The following CA10 variants were observed in gnomAD, a reference collection of about 807,000 sequenced individuals.
CA10 encodes carbonic anhydrase-related protein 10.
A neutral mutation model predicts 44.2 loss-of-function variants in CA10; 14 were observed. The ratio of observed to expected loss-of-function variants is 0.32; its 90% CI spans 0.21 to 0.50. The LOEUF (loss-of-function observed/expected upper bound fraction) is 0.50. Ranked by LOEUF, CA10 falls within the 20% of genes least tolerant of loss-of-function variation. The pLI, the probability that CA10 is intolerant of heterozygous loss-of-function variation, is 0.99. For missense variants in CA10, 350 were observed against 409.7 expected, an observed-to-expected ratio of 0.85 and a Z score of 1.26; for synonymous variants, 159 against 141.6, an observed-to-expected ratio of 1.12 and a Z score of -0.87.
chr17:51,717,983 G>T (rs1916225965), intron 4 of CA10, among the ~76,000 whole-genome samples: 1 of 148,476 alleles, frequency 6.7e-6, no homozygotes. Flanking sequence ...GAAAATCATT[G>T]TATGTTCTCA....
intron 1 of CA10, among the ~76,000 whole-genome samples, chr17:52,073,047 T>A (rs777613639): frequency 2.6e-5 from 4 of 152,112 alleles, no homozygotes; most frequent in East Asian, 3.9e-4. Flanking sequence ...ATTGGGGCAA[T>A]GCCATTACAC....
At chr17:51,823,423 T>A (rs924980196) in intron 3 of CA10, among the ~76,000 whole-genome samples, 2 of 152,208 alleles carry the variant, frequency 1.3e-5, no homozygotes, top group Admixed American at 1.3e-4. Context: ...TGGAAAGGAA[T>A]CATGTTCACT....
intron 1 of CA10, among the ~76,000 whole-genome samples, chr17:52,085,523 A>G (rs954455514): frequency 4.6e-5 from 7 of 152,152 alleles, no homozygotes; most frequent in African/African-American, 1.7e-4. Flanking sequence ...ATGACTCCCT[A>G]TTGGTTACAC....
chr17:51,831,950 A>T (rs1908296859), intron 3 of CA10, among the ~76,000 whole-genome samples: 1 of 152,078 alleles, frequency 6.6e-6, no homozygotes, highest in Non-Finnish European at 1.5e-5. Flanking sequence ...CCAAAATCCC[A>T]CTCCAAGCTT....
chr17:51,784,493 C>T (rs1208354627), intron 3 of CA10, among the ~76,000 whole-genome samples: 4 of 152,198 alleles, frequency 2.6e-5, no homozygotes, highest in East Asian at 1.9e-4. Context: ...ATCCACTAAC[C>T]GACCTCTGTT....
chr17:51,708,508 C>G (rs1417556232), intron 4 of CA10, among the ~76,000 whole-genome samples: 1 of 152,176 alleles, frequency 6.6e-6, no homozygotes, highest in Non-Finnish European at 1.5e-5. Context: ...AGTGGCAGCT[C>G]TTATCCAGTG....
At chr17:51,888,038 CAAAAACAAAA>C (rs2143902818) in intron 3 of CA10, among the ~76,000 whole-genome samples, 1 of 151,538 alleles carries the variant, frequency 6.6e-6, no homozygotes, top group South Asian at 2.1e-4. Flanking sequence ...AAAACAAAAA[CAAAAACAAAA>C]CAAAACAAAA....
In CA10 at chr17:51,849,163, G is replaced by GTATATATATATACATATATGTA. The variant is rs1271678255; in HGVS notation, c.279+81805_279+81826dup. Among the ~76,000 whole-genome samples the GTATATATATATACATATATGTA allele has an allele frequency of 1.4e-3, 129 of 90,202 alleles. 2 individuals carry two copies. The highest frequency in any genetic ancestry group is 2.2e-3 in the Non-Finnish European group (96 of 44,286). The allele number at this position is 90,202 out of a possible 152,430, so 59.2% of individuals were successfully genotyped here. A position where few individuals can be genotyped will look rare whatever the true frequency, so the allele number is the denominator to read the frequency against. ...TAGTTTTTTATATATATACATATAT[G>GTATATATATATACATATATGTA]TATATATATATACATATATGTATAT... On this transcript the variant is annotated intron_variant, in intron 3 of 8. Transcript: ENST00000451037.
At chr17:51,718,115 G>C (rs914539469) in intron 4 of CA10, among the ~76,000 whole-genome samples, 7 of 151,186 alleles carry the variant, frequency 4.6e-5, no homozygotes, top group Non-Finnish European at 8.8e-5. Context: ...ATATGGTGCA[G>C]TGTATACTGC....
At chr17:51,839,625 C>T (rs868399563) in intron 3 of CA10, among the ~76,000 whole-genome samples, 21 of 151,772 alleles carry the variant, frequency 1.4e-4, no homozygotes, top group African/African-American at 3.6e-4. Context: ...CATTCTGCTC[C>T]AGGTATGAAC....
intron 1 of CA10, among the ~76,000 whole-genome samples, chr17:52,091,882 T>C (rs1988276155): frequency 6.6e-6 from 1 of 152,208 alleles, no homozygotes; most frequent in Non-Finnish European, 1.5e-5. Context: ...TGGAAAGACC[T>C]GCTTTCTGCA....
At chr17:51,738,480 C>T (rs1219209464) in intron 4 of CA10, among the ~76,000 whole-genome samples, 1 of 152,124 alleles carries the variant, frequency 6.6e-6, no homozygotes, top group Non-Finnish European at 1.5e-5. Flanking sequence ...AGTATGATTG[C>T]CTTTTCATAT....
intron 3 of CA10, among the ~76,000 whole-genome samples, chr17:51,894,105 T>C (rs750345645): frequency 6.6e-6 from 1 of 152,104 alleles, no homozygotes; most frequent in East Asian, 1.9e-4. Context: ...TTCTGAAAGC[T>C]GTAAGGCAGA....
At chr17:52,108,175 ATTTTTATATATATAT>A (rs2143273271) in intron 1 of CA10, among the ~76,000 whole-genome samples, 1 of 139,878 alleles carries the variant, frequency 7.1e-6, no homozygotes, top group South Asian at 2.2e-4. Context: ...TTTTTAATAT[ATTTTTATATATATAT>A]TTTTTATATA....
intron 3 of CA10, among the ~76,000 whole-genome samples, chr17:51,853,451 A>G (rs930057954): frequency 1.3e-5 from 2 of 152,208 alleles, no homozygotes; most frequent in African/African-American, 4.8e-5. Flanking sequence ...TGTCCCAGTG[A>G]TTCCTTTAAG....
At chr17:51,890,560 C>T (rs200622809) in intron 3 of CA10, among the ~76,000 whole-genome samples, 28 of 152,124 alleles carry the variant, frequency 1.8e-4, no homozygotes, top group South Asian at 6.2e-4. Flanking sequence ...TTATGGTGTA[C>T]CTGTAGCTTT....
chr17:51,833,645 G>A (rs1311505424), intron 3 of CA10, among the ~76,000 whole-genome samples: 1 of 152,176 alleles, frequency 6.6e-6, no homozygotes. Flanking sequence ...GTCTGTCAGA[G>A]TATAAGAAAA....
chr17:51,952,621 A>G (rs990970109), intron 2 of CA10, among the ~76,000 whole-genome samples: 1 of 152,132 alleles, frequency 6.6e-6, no homozygotes, highest in African/African-American at 2.4e-5. Flanking sequence ...ACCACAACAA[A>G]TGGTAAAAAT....
At chr17:51,840,009 G>C (rs2143802454) in intron 3 of CA10, among the ~76,000 whole-genome samples, 1 of 152,312 alleles carries the variant, frequency 6.6e-6, no homozygotes, top group East Asian at 1.9e-4. Context: ...GGGCTCATGT[G>C]CATAAAGTAA....
Sources: gnomAD v4.1 joint callset for allele counts (sites outside exome capture counted in the v4.1 genomes callset) on GRCh38, gnomAD v4.1.1 for gene constraint, MANE v1.5 for transcripts, NCBI Gene and HGNC (gene_info 2026-07-23, HGNC 2026-07-21) for gene names.